IGSF11: variants seen among roughly 807,000 people sequenced by gnomAD.
The protein encoded by IGSF11 is CXADR like 1.
Under a neutral mutation model 41.0 loss-of-function variants are expected in IGSF11, and 22 were observed. The observed-to-expected ratio is 0.54, with a 90% CI of 0.38 to 0.77. The LOEUF (loss-of-function observed/expected upper bound fraction) is 0.77. IGSF11 is among the 30% of genes least tolerant of loss of function. IGSF11 has a pLI of 0.00. For synonymous variants in IGSF11, 219 were observed against 201.3 expected, an observed-to-expected ratio of 1.09 and a Z score of -0.74; for missense variants, 444 against 530.8, an observed-to-expected ratio of 0.84 and a Z score of 1.61.
At chr3:119,116,575 A>G (rs1475371712) in intron 1 of IGSF11, among the ~76,000 whole-genome samples, 1 of 152,220 alleles carries the variant, frequency 6.6e-6, no homozygotes, top group Non-Finnish European at 1.5e-5. Context: ...GGCCATGCTA[A>G]CTTTGGAAGA....
At chr3:118,988,334 T>C (rs1935454307) in intron 1 of IGSF11, among the ~76,000 whole-genome samples, 1 of 152,174 alleles carries the variant, frequency 6.6e-6, no homozygotes, top group Admixed American at 6.5e-5. Flanking sequence ...GTTAAAAAGC[T>C]ACCCTAGAGA....
intron 1 of IGSF11, among the ~76,000 whole-genome samples, chr3:119,045,040 T>A (rs1941267663): frequency 6.6e-6 from 1 of 152,102 alleles, no homozygotes; most frequent in African/African-American, 2.4e-5. Flanking sequence ...AATAGAACAG[T>A]ACCTCACATC....
intron 1 of IGSF11, among the ~76,000 whole-genome samples, chr3:119,134,100 C>T (rs563921951): frequency 2.6e-5 from 4 of 152,228 alleles, no homozygotes; most frequent in Admixed American, 6.5e-5. Flanking sequence ...AAACCCATAG[C>T]GAATATCATA....
At chr3:119,008,402 T>C (rs1272584473) in intron 1 of IGSF11, among the ~76,000 whole-genome samples, 1 of 152,190 alleles carries the variant, frequency 6.6e-6, no homozygotes, top group Non-Finnish European at 1.5e-5. Context: ...CAATTTTTTC[T>C]CTACTCCTCT....
At chr3:119,085,899 AG>A (rs1212525076) in intron 1 of IGSF11, among the ~76,000 whole-genome samples, 2 of 152,244 alleles carry the variant, frequency 1.3e-5, no homozygotes, top group Non-Finnish European at 2.9e-5. Context: ...GAATGAATGA[AG>A]GGTTTTATTG....
At chr3:119,093,203 C>T (rs779282135) in intron 1 of IGSF11, among the ~76,000 whole-genome samples, 2 of 152,200 alleles carry the variant, frequency 1.3e-5, no homozygotes, top group African/African-American at 2.4e-5. Flanking sequence ...ACAGAAGACA[C>T]TAAAGATTGC....
chr3:119,008,672 C>T (rs1576630491), intron 1 of IGSF11, among the ~76,000 whole-genome samples: 1 of 152,210 alleles, frequency 6.6e-6, no homozygotes, highest in Non-Finnish European at 1.5e-5. Flanking sequence ...TACAAAGAAA[C>T]ATGCCCATCA....
At chr3:119,105,391 T>C (rs1006412144), upstream of IGSF11, among the ~76,000 whole-genome samples, 2 of 152,160 alleles carry the variant, frequency 1.3e-5, no homozygotes, top group East Asian at 1.9e-4. Context: ...GAAACTTTAA[T>C]AGGAGAATGG....
intron 1 of IGSF11, among the ~76,000 whole-genome samples, chr3:119,046,302 A>G (rs1941349960): frequency 6.6e-6 from 1 of 151,730 alleles, no homozygotes; most frequent in Non-Finnish European, 1.5e-5. Flanking sequence ...TGCTTAAAGG[A>G]GCTGATGGAG....
At chr3:119,019,279 A>G (rs1319020205) in intron 1 of IGSF11, among the ~76,000 whole-genome samples, 1 of 151,368 alleles carries the variant, frequency 6.6e-6, no homozygotes, top group East Asian at 1.9e-4. Context: ...AAGTACATTT[A>G]CATTCCTTTG....
At chr3:118,967,224 T>C (rs752169161) in intron 1 of IGSF11, among the ~76,000 whole-genome samples, 1 of 152,016 alleles carries the variant, frequency 6.6e-6, no homozygotes, top group Admixed American at 6.6e-5. Context: ...TGGAGAGAGA[T>C]ATATATATAA....
chr3:119,034,849 C>T (rs547022808), upstream of IGSF11: 99 of 1,221,602 alleles, frequency 8.1e-5, 1 homozygote, highest in East Asian at 2.5e-3. Flanking sequence ...CCAGGACTAG[C>T]CGACCCCTCG....
chr3:119,068,599 T>C (rs1402647994), intron 1 of IGSF11, among the ~76,000 whole-genome samples: 1 of 152,226 alleles, frequency 6.6e-6, no homozygotes, highest in African/African-American at 2.4e-5. Context: ...TGGTCCTTTA[T>C]CAATGAGAAG....
At chr3:118,961,116 T>C (rs1473372930) in intron 1 of IGSF11, among the ~76,000 whole-genome samples, 1 of 152,218 alleles carries the variant, frequency 6.6e-6, no homozygotes, top group African/African-American at 2.4e-5. Context: ...CACAAGAGCC[T>C]TCTGGTGAGG....
intron 1 of IGSF11, among the ~76,000 whole-genome samples, chr3:118,997,726 T>G (rs1018614745): frequency 1.3e-5 from 2 of 152,134 alleles, no homozygotes; most frequent in Non-Finnish European, 2.9e-5. Context: ...AGAGAACATA[T>G]GCAAAAGTTA....
chr3:119,048,878 C>T (rs1941489201), intron 1 of IGSF11, among the ~76,000 whole-genome samples: 1 of 152,176 alleles, frequency 6.6e-6, no homozygotes, highest in African/African-American at 2.4e-5. Context: ...AGCATATAAA[C>T]AGAACCAAAG....
chr3:119,081,309 A>G (rs1007461053), intron 1 of IGSF11, among the ~76,000 whole-genome samples: 3 of 150,946 alleles, frequency 2.0e-5, no homozygotes, highest in Admixed American at 6.6e-5. Flanking sequence ...CTTATCCTTT[A>G]CTTCTTTTCC....
rs147805939 is a variant in IGSF11, at chr3:118,958,379, A to T, written c.53-28104T>A. 7.5e-3 allele frequency among the ~76,000 whole-genome samples: 1,145 copies of T among 152,308 alleles called. 13 individuals carry two copies. Among genetic ancestry groups the T allele is most frequent in the African/African-American group, 0.026 (1,087 of 41,576 alleles). On this transcript the variant is annotated intron_variant, in intron 1 of 6. Transcript: ENST00000393775. ...CCATTTATGCTTTAAAGTGAAAAGG[A>T]CAGGGAACATAGAATATTTTGTAAC... is the stretch of plus-strand genomic sequence containing the variant.
intron 1 of IGSF11, among the ~76,000 whole-genome samples, chr3:119,113,382 C>T (rs1349211333): frequency 6.6e-6 from 1 of 152,174 alleles, no homozygotes; most frequent in Non-Finnish European, 1.5e-5. Context: ...AGGATATGGG[C>T]ATTGGAAAAA....
Sources: allele counts gnomAD v4.1 joint callset (sites outside exome capture counted in the v4.1 genomes callset), GRCh38; gene constraint gnomAD v4.1.1; transcripts MANE v1.5; gene names NCBI Gene and HGNC (gene_info 2026-07-23, HGNC 2026-07-21).